ZEB2: variants seen among roughly 807,000 people sequenced by gnomAD.
The protein encoded by ZEB2 is zinc finger E-box-binding homeobox 2.
ZEB2 carries 6 observed loss-of-function variants against 99.9 expected under a neutral mutation model. The observed-to-expected ratio is 0.06, with a 90% confidence interval of 0.03 to 0.12. ZEB2 has a LOEUF of 0.12. Among genes scored for constraint, ZEB2 ranks in the 10% least tolerant of loss-of-function variants. The probability of loss-of-function intolerance (pLI) is 1.00; values close to 1 mark genes in which losing one functional copy is unlikely to be tolerated. For synonymous variants in ZEB2, 517 were observed against 542.5 expected, an observed-to-expected ratio of 0.95 and a Z score of 0.65; for missense variants, 969 against 1,502.8, an observed-to-expected ratio of 0.64 and a Z score of 5.87.
At chr2:144,468,556 T>G (rs1012618054) in intron 2 of ZEB2, among the ~76,000 whole-genome samples, 25 of 152,130 alleles carry the variant, frequency 1.6e-4, no homozygotes, top group African/African-American at 5.8e-4. Flanking sequence ...TTTCCTTTTT[T>G]TAGGAGATGC....
intron 2 of ZEB2, among the ~76,000 whole-genome samples, chr2:144,501,419 A>T (rs575417418): frequency 6.6e-6 from 1 of 152,212 alleles, no homozygotes; most frequent in Admixed American, 6.5e-5. Context: ...AGACCTCTTC[A>T]TCTCCTGCTT....
intron 2 of ZEB2, among the ~76,000 whole-genome samples, chr2:144,515,425 C>T (rs1705116415): frequency 6.6e-6 from 1 of 151,322 alleles, no homozygotes; most frequent in Non-Finnish European, 1.5e-5. Flanking sequence ...TTAGTGTCTA[C>T]TAAATTACTC....
intron 1 of ZEB2, 173 bp from the exon 2 acceptor site, chr2:144,517,592 A>C: frequency 4.4e-6 from 2 of 452,778 alleles, no homozygotes; most frequent in Non-Finnish European, 8.3e-6. Flanking sequence ...CTTGGCCCCG[A>C]GGCGCTTTGT....
At chr2:144,418,360 C>G (rs185656532) in intron 4 of ZEB2, among the ~76,000 whole-genome samples, 1 of 152,132 alleles carries the variant, frequency 6.6e-6, no homozygotes, top group Non-Finnish European at 1.5e-5. Flanking sequence ...TGGAGAAAAC[C>G]GTTTACGATG....
intron 2 of ZEB2, among the ~76,000 whole-genome samples, chr2:144,484,185 T>TTGTGTGTGTGTGTGTG (rs10529605): frequency 0.061 from 8,671 of 142,416 alleles, 371 homozygotes; most frequent in African/African-American, 0.1. Flanking sequence ...AAATCTGGAT[T>TTGTGTGTGTGTGTGTG]TGTGTGTGTG....
chr2:144,392,733 C>T (rs1344770278), intron 9 of ZEB2, among the ~76,000 whole-genome samples: 5 of 152,098 alleles, frequency 3.3e-5, no homozygotes, highest in African/African-American at 7.2e-5. Context: ...GCTGGTTTAC[C>T]TGATTCAAAT....
intron 2 of ZEB2, among the ~76,000 whole-genome samples, chr2:144,473,982 G>C (rs1704395853): frequency 6.6e-6 from 1 of 152,154 alleles, no homozygotes; most frequent in Non-Finnish European, 1.5e-5. Flanking sequence ...GTTTCTAGGA[G>C]AGCAGAGTTT....
intron 2 of ZEB2, chr2:144,512,486 C>T: frequency 1.6e-6 from 2 of 1,287,080 alleles, no homozygotes; most frequent in South Asian, 1.2e-5. Flanking sequence ...TTTCTTTAAG[C>T]AAATTAAGAA....
chr2:144,497,071 C>G (rs1704772059), intron 2 of ZEB2, among the ~76,000 whole-genome samples: 2 of 152,150 alleles, frequency 1.3e-5, no homozygotes, highest in Admixed American at 1.3e-4. Context: ...CGCTGTTCAC[C>G]CTTTCTCCTG....
rs1030519935 is a variant in ZEB2 at position 144,434,634 on chromosome 2, T to G, written c.74-4608A>C. On this transcript the variant is annotated intron_variant, in intron 2 of 9. Coordinates refer to ENST00000627532, the MANE Select transcript of ZEB2 (RefSeq NM_014795.4). ...TAAGGGATGGAAATCCCTGGGACTT[T>G]TTGGGATTTTCATGCCACAAAAATG... 3.3e-5 allele frequency among the ~76,000 whole-genome samples: 5 copies of G among 152,302 alleles called. No individual in the cohort carries two copies. The South Asian group carries it at 1.0e-3, about 32-fold the overall frequency.
In ZEB2 at chr2:144,404,230, C is replaced by T. The variant is rs376845076; in HGVS notation, c.593-100G>A. 135 of 1,305,118 alleles carry T rather than the reference C, an allele frequency of 1.0e-4. 2 individuals are homozygous for T. The highest frequency in any genetic ancestry group is 7.1e-4 in the East Asian group (29 of 40,738). The allele number at this position is 1,305,118 out of a possible 1,614,324, so 80.8% of individuals were successfully genotyped here. On this transcript the variant is annotated intron_variant, in intron 5 of 9. Coordinates refer to ENST00000627532, the MANE Select transcript of ZEB2 (RefSeq NM_014795.4). ...GCCCGGGATGGTATGACAGGAATCA[C>T]TGCAATCTGCTCCACAGAGTGCCAT...
At position 144,400,275 on chromosome 2, in the gene ZEB2, AATG is replaced by A; in HGVS notation, c.917-8_917-6del. On this transcript the variant is annotated splice_polypyrimidine_tract_variant and splice_region_variant and intron_variant, in intron 7 of 9. Transcript: ENST00000627532. ...GGCACTCGTAAGGTTTTTCACCTAA[AATG>A]ATAATTAAAATTACCGTTACATTTC... is the stretch of plus-strand genomic sequence containing the variant. 1 of 1,606,476 alleles carries A rather than the reference AATG, an allele frequency of 6.2e-7. No homozygotes were observed. The highest frequency in any genetic ancestry group is 8.5e-7 in the Non-Finnish European group (1 of 1,179,762).
intron 3 of ZEB2, chr2:144,427,882 CT>C (rs1307885526): frequency 6.6e-6 from 1 of 152,162 alleles, no homozygotes; most frequent in East Asian, 1.9e-4. Flanking sequence ...GCACCATTAA[CT>C]ACAGGTGATA....
intron 2 of ZEB2, chr2:144,463,597 G>A (rs1474375593): frequency 6.6e-6 from 1 of 152,108 alleles, no homozygotes; most frequent in Non-Finnish European, 1.5e-5. Flanking sequence ...GGGAGGCTGA[G>A]GTGGGAGAAT....
intron 2 of ZEB2, among the ~76,000 whole-genome samples, chr2:144,477,714 T>C (rs997332873): frequency 9.2e-5 from 14 of 152,274 alleles, no homozygotes; most frequent in African/African-American, 3.1e-4. Context: ...GTGGTGGAGG[T>C]AGCACCTAGC....
chr2:144,416,323 T>C (rs1019438343), intron 4 of ZEB2, among the ~76,000 whole-genome samples: 2 of 152,204 alleles, frequency 1.3e-5, no homozygotes, highest in Non-Finnish European at 2.9e-5. Flanking sequence ...TCCAGTCCAA[T>C]TTCTGGAGTA....
At chr2:144,467,118 A>G (rs1427018204) in intron 2 of ZEB2, among the ~76,000 whole-genome samples, 1 of 152,118 alleles carries the variant, frequency 6.6e-6, no homozygotes, top group Non-Finnish European at 1.5e-5. Context: ...AACTGCATAA[A>G]ACTAATTCTT....
At chr2:144,489,793 T>C (rs1573795335) in intron 2 of ZEB2, among the ~76,000 whole-genome samples, 2 of 152,322 alleles carry the variant, frequency 1.3e-5, no homozygotes, top group South Asian at 2.1e-4. Context: ...TGATAGCAGA[T>C]GTCAGTCAGT....
At chr2:144,456,097 C>T (rs753542040) in intron 2 of ZEB2, among the ~76,000 whole-genome samples, 2 of 151,674 alleles carry the variant, frequency 1.3e-5, no homozygotes, top group Non-Finnish European at 2.9e-5. Context: ...AGACTAAATC[C>T]ATCCCAAGTT....
Sources: allele counts gnomAD v4.1 joint callset (sites outside exome capture counted in the v4.1 genomes callset), GRCh38; gene constraint gnomAD v4.1.1; transcripts MANE v1.5; gene names NCBI Gene and HGNC (gene_info 2026-07-23, HGNC 2026-07-21).